Variants in TLL1 observed in about 807,000 individuals in gnomAD.
TLL1 encodes the protein tolloid like 1.
A neutral mutation model predicts 128.2 loss-of-function variants in TLL1; 49 were observed. The ratio of observed to expected loss-of-function variants is 0.38; its 90% CI spans 0.30 to 0.48. TLL1 has a LOEUF of 0.48. Ranked by LOEUF, TLL1 falls within the 20% of genes least tolerant of loss-of-function variation. The pLI is 0.96. For synonymous variants in TLL1, 454 were observed against 418.8 expected (o/e 1.08, Z -1.03); for missense variants, 1,123 against 1,242.0 (o/e 0.90, Z 1.44).
At chr4:165,915,715 A>T (rs1167429976) in intron 1 of TLL1, among the ~76,000 whole-genome samples, 2 of 152,204 alleles carry the variant, frequency 1.3e-5, no homozygotes, top group African/African-American at 4.8e-5. Context: ...TCAGAGAGAC[A>T]GAGGGAGCGT....
intron 18 of TLL1, among the ~76,000 whole-genome samples, chr4:166,085,219 C>T (rs1741451086): frequency 6.8e-6 from 1 of 146,684 alleles, no homozygotes. Context: ...ATTGTGTCTT[C>T]TGCAAACAGG....
intron 20 of TLL1, among the ~76,000 whole-genome samples, chr4:166,100,239 T>G (rs927701992): frequency 2.0e-5 from 3 of 152,160 alleles, no homozygotes; most frequent in African/African-American, 7.2e-5. Context: ...TCAGTAATAC[T>G]GTTGAACTCC....
At chr4:165,923,306 A>G (rs1296183992) in intron 1 of TLL1, among the ~76,000 whole-genome samples, 4 of 151,724 alleles carry the variant, frequency 2.6e-5, no homozygotes, top group Non-Finnish European at 5.9e-5. Context: ...GATTATCAAC[A>G]TTTTATCTGT....
chr4:165,932,800 C>T (rs1467672168), intron 1 of TLL1, among the ~76,000 whole-genome samples: 1 of 151,874 alleles, frequency 6.6e-6, no homozygotes, highest in Non-Finnish European at 1.5e-5. Context: ...ATTGATTTGA[C>T]CATTTAAACT....
chr4:165,885,114 C>T (rs1475532303), intron 1 of TLL1, among the ~76,000 whole-genome samples: 1 of 152,040 alleles, frequency 6.6e-6, no homozygotes, highest in Non-Finnish European at 1.5e-5. Flanking sequence ...TAAAGAATAA[C>T]CGTATCTGGG....
chr4:165,921,402 G>A (rs1016584660), intron 1 of TLL1, among the ~76,000 whole-genome samples: 2 of 152,124 alleles, frequency 1.3e-5, no homozygotes, highest in African/African-American at 2.4e-5. Context: ...ATGCAAAATA[G>A]CTTCAGTTAC....
chr4:165,875,771 A>T (rs1383213561), intron 1 of TLL1, among the ~76,000 whole-genome samples: 2 of 152,214 alleles, frequency 1.3e-5, no homozygotes, highest in African/African-American at 4.8e-5. Context: ...TTATTTCAAA[A>T]GATTGTCTAG....
intron 12 of TLL1, among the ~76,000 whole-genome samples, chr4:166,047,861 G>A (rs948902547): frequency 3.9e-5 from 6 of 152,138 alleles, no homozygotes; most frequent in Non-Finnish European, 7.3e-5. Context: ...GATTCTAAAG[G>A]TGATGGTATT....
chr4:166,014,441 T>A lies in TLL1; in HGVS notation c.923T>A (p.Met308Lys). 6.2e-7 allele frequency: 1 copy of A among 1,612,018 alleles called. No homozygotes were observed. The highest frequency in any genetic ancestry group is 1.1e-5 in the South Asian group (1 of 91,056). ...TTGCTTCTGCTTTTTTTCAGGGGGATGTTTCTGGATACCATTCTCCCCTCC... is the reference window on the plus strand; with the variant it reads ...TTGCTTCTGCTTTTTTTCAGGGGGAAGTTTCTGGATACCATTCTCCCCTCC... The part of the protein sequence containing the change: ...HYARNTFSRG[M>K]FLDTILPSRD... The change falls in exon 8 of 21, where the codon ATG becomes AAG. Residue 308 changes from methionine (M) to lysine (K), a missense_variant. Coordinates refer to ENST00000061240, the MANE Select transcript of TLL1 (RefSeq NM_012464.5).
At chr4:166,097,325 A>T (rs1221452072) in intron 19 of TLL1, among the ~76,000 whole-genome samples, 1 of 152,142 alleles carries the variant, frequency 6.6e-6, no homozygotes, top group Admixed American at 6.6e-5. Flanking sequence ...CCCAAGGCTA[A>T]TTGGTATTCC....
intron 6 of TLL1, among the ~76,000 whole-genome samples, chr4:166,005,582 C>T (rs1375439339): frequency 6.6e-6 from 1 of 151,804 alleles, no homozygotes; most frequent in Non-Finnish European, 1.5e-5. Flanking sequence ...AAAGTATTCT[C>T]CTCTATATAG....
intron 9 of TLL1, among the ~76,000 whole-genome samples, chr4:166,033,586 A>G (rs2111082057): frequency 6.6e-6 from 1 of 152,280 alleles, no homozygotes; most frequent in South Asian, 2.1e-4. Flanking sequence ...ATGTGAATGT[A>G]CTTAATGCAC....
chr4:166,072,012 T>C (rs1210085577), intron 16 of TLL1, among the ~76,000 whole-genome samples: 1 of 151,970 alleles, frequency 6.6e-6, no homozygotes, highest in Non-Finnish European at 1.5e-5. Flanking sequence ...TTATTTTGAG[T>C]ATTCCAATGA....
chr4:165,888,101 T>A (rs561662623), intron 1 of TLL1, among the ~76,000 whole-genome samples: 1 of 152,284 alleles, frequency 6.6e-6, no homozygotes, highest in South Asian at 2.1e-4. Context: ...ATTTCTTCCT[T>A]TATAGTCCCT....
intron 1 of TLL1, among the ~76,000 whole-genome samples, chr4:165,965,337 C>T (rs116589248): frequency 0.024 from 3,581 of 152,210 alleles, 135 homozygotes; most frequent in African/African-American, 0.079. Flanking sequence ...ACTCTAAAGT[C>T]AGATTTAGAG....
intron 1 of TLL1, among the ~76,000 whole-genome samples, chr4:165,955,880 G>A (rs1734762758): frequency 6.6e-6 from 1 of 152,038 alleles, no homozygotes; most frequent in Admixed American, 6.6e-5. Context: ...TTCCATAAGT[G>A]TTGGCCAGCT....
chr4:165,926,793 T>C lies in TLL1; in HGVS notation c.169+52720T>C, dbSNP rs146218736. 1.4e-4 allele frequency among the ~76,000 whole-genome samples: 21 copies of C among 152,326 alleles called. No homozygotes were observed. The East Asian group carries it at 4.1e-3, about 29-fold the overall frequency. ...AGCCAGCTAGCTTTACTGGCAACTC[T>C]GTCGTTTCATTAACTTTGCAGTAAT... On this transcript the variant is annotated intron_variant, in intron 1 of 20. Transcript: ENST00000061240.
chr4:166,037,076 T>C (rs965814501), intron 9 of TLL1, among the ~76,000 whole-genome samples: 1 of 152,130 alleles, frequency 6.6e-6, no homozygotes, highest in Non-Finnish European at 1.5e-5. Context: ...TTTTAATAAA[T>C]GAGTTCTTAT....
Position 165,958,739 on chromosome 4 carries a change from T to G in TLL1, c.170-30642T>G, listed in dbSNP as rs566335719. On this transcript the variant is annotated intron_variant, in intron 1 of 20. Coordinates refer to ENST00000061240, the MANE Select transcript of TLL1 (RefSeq NM_012464.5). ...AATTAGATCCCATTTGTCAATTTTG[T>G]CTTTTGTTGCCATTGCTTTTGGTGT... Among the ~76,000 whole-genome samples the G allele has an allele frequency of 2.6e-3, 371 of 145,412 alleles. 1 individual carries two copies. Among genetic ancestry groups the G allele is most frequent in the East Asian group, 0.018 (87 of 4,798 alleles).
Sources: allele counts gnomAD v4.1 joint callset (sites outside exome capture counted in the v4.1 genomes callset), GRCh38; gene constraint gnomAD v4.1.1; transcripts MANE v1.5; gene names NCBI Gene and HGNC (gene_info 2026-07-23, HGNC 2026-07-21).